The following ANKS1B variants were observed in gnomAD, a reference collection of about 807,000 sequenced individuals.
The protein encoded by ANKS1B is ankyrin repeat and sterile alpha motif domain-containing protein 1B.
In ANKS1B, 36 loss-of-function variants were observed where a neutral mutation model predicts 148.3. The ratio of observed to expected loss-of-function variants is 0.24; its 90% CI spans 0.19 to 0.32. The LOEUF is 0.32. Ranked by LOEUF, ANKS1B falls within the 10% of genes least tolerant of loss-of-function variation. ANKS1B has a pLI of 1.00. For missense variants in ANKS1B, 1,157 were observed against 1,542.6 expected (o/e 0.75, Z 4.19); for synonymous variants, 542 against 560.8 (o/e 0.97, Z 0.47).
At chr12:98,852,893 T>C (rs1341917885) in intron 17 of ANKS1B, among the ~76,000 whole-genome samples, 1 of 152,198 alleles carries the variant, frequency 6.6e-6, no homozygotes, top group Non-Finnish European at 1.5e-5. Flanking sequence ...TTCTGCTTCA[T>C]CGATACTCCA....
At chr12:99,635,389 T>C (rs1036831516) in intron 9 of ANKS1B, among the ~76,000 whole-genome samples, 1 of 152,154 alleles carries the variant, frequency 6.6e-6, no homozygotes, top group African/African-American at 2.4e-5. Context: ...CAACAAAATA[T>C]GGTATATACA....
intron 14 of ANKS1B, among the ~76,000 whole-genome samples, chr12:99,188,349 T>C (rs779095041): frequency 4.0e-5 from 6 of 151,072 alleles, no homozygotes; most frequent in Admixed American, 6.5e-5. Context: ...GCAGACCTAA[T>C]AGACATCTAC....
At chr12:98,794,855 A>T in intron 22 of ANKS1B, 1 of 1,603,940 alleles carries the variant, frequency 6.2e-7, no homozygotes, top group Admixed American at 1.7e-5. Context: ...GATATCAAAG[A>T]AGTCAAGCAA....
At chr12:99,407,592 C>T (rs57692205) in intron 11 of ANKS1B, among the ~76,000 whole-genome samples, 12,231 of 145,250 alleles carry the variant, frequency 0.084, 2,802 homozygotes, top group African/African-American at 0.28. Flanking sequence ...CAAAATCTTA[C>T]ATATTTTGAA....
intron 8 of ANKS1B, among the ~76,000 whole-genome samples, chr12:99,665,508 A>C (rs2098501862): frequency 1.3e-5 from 2 of 149,938 alleles, no homozygotes; most frequent in African/African-American, 4.9e-5. Context: ...TTTTAGACGG[A>C]GTATCACTCT....
intron 4 of ANKS1B, among the ~76,000 whole-genome samples, chr12:99,796,682 A>C (rs1432095909): frequency 6.6e-6 from 1 of 151,996 alleles, no homozygotes; most frequent in East Asian, 1.9e-4. Flanking sequence ...AACATACAAC[A>C]AATAAGATTT....
intron 10 of ANKS1B, among the ~76,000 whole-genome samples, chr12:99,466,052 A>G (rs991812141): frequency 6.6e-6 from 1 of 152,214 alleles, no homozygotes; most frequent in Admixed American, 6.5e-5. Context: ...AGCTCTCCTC[A>G]GCAAATGTAA....
intron 9 of ANKS1B, among the ~76,000 whole-genome samples, chr12:99,522,804 C>T (rs1290819200): frequency 5.3e-5 from 8 of 152,076 alleles, no homozygotes; most frequent in Non-Finnish European, 7.4e-5. Flanking sequence ...GAGTGACAGG[C>T]CTCCACTCTT....
At chr12:99,929,000 A>T (rs1202037322) in intron 1 of ANKS1B, among the ~76,000 whole-genome samples, 1 of 152,226 alleles carries the variant, frequency 6.6e-6, no homozygotes, top group African/African-American at 2.4e-5. Context: ...CCCCAGAATC[A>T]TGCTCACAGA....
chr12:99,825,509 G>A, intron 1 of ANKS1B, 120 bp from the exon 2 acceptor site: 2 of 653,590 alleles, frequency 3.1e-6, no homozygotes, highest in Non-Finnish European at 5.3e-6. Flanking sequence ...TTAGCCATGT[G>A]GAAAATGATT....
chr12:99,474,592 G>A (rs571861588), intron 10 of ANKS1B, among the ~76,000 whole-genome samples: 31 of 151,586 alleles, frequency 2.0e-4, no homozygotes, highest in African/African-American at 7.0e-4. Context: ...GAAAAGAAGT[G>A]AAAAGCAAAG....
intron 10 of ANKS1B, among the ~76,000 whole-genome samples, chr12:99,462,812 T>C (rs921378489): frequency 1.3e-5 from 2 of 152,020 alleles, no homozygotes; most frequent in African/African-American, 4.8e-5. Context: ...CCTGTGGAGG[T>C]CATGAGTTAC....
At chr12:99,416,759 T>G (rs12311204) in intron 11 of ANKS1B, among the ~76,000 whole-genome samples, 26,591 of 152,248 alleles carry the variant, frequency 0.17, 2,967 homozygotes, top group African/African-American at 0.32. Context: ...TTGTTAGATA[T>G]GTGATTTATA....
chr12:99,183,635 C>T (rs559256464), intron 14 of ANKS1B, among the ~76,000 whole-genome samples: 1 of 152,116 alleles, frequency 6.6e-6, no homozygotes, highest in African/African-American at 2.4e-5. Flanking sequence ...AAGAGCAAAA[C>T]TCCATCTCCA....
At chr12:99,299,235 AT>A (rs953028332) in intron 12 of ANKS1B, among the ~76,000 whole-genome samples, 2 of 151,814 alleles carry the variant, frequency 1.3e-5, no homozygotes, top group Non-Finnish European at 2.9e-5. Flanking sequence ...TAAGTTTTCT[AT>A]TTTTTGTAGA....
rs2080670968 is a variant in ANKS1B at position 99,191,346 on chromosome 12, TAC to T, written c.2420-36953_2420-36952del. Among the ~76,000 whole-genome samples the T allele has an allele frequency of 7.2e-5, 11 of 152,320 alleles. No homozygotes were observed. In the South Asian group the frequency reaches 2.3e-3, roughly 32 times the overall value. ...TTGACCCAACAATCCCATTACTGGG[TAC>T]ATACCCAAAGGAGTATAAATCATTC... On this transcript the variant is annotated intron_variant, in intron 14 of 26. Coordinates refer to ENST00000683438, the MANE Select transcript of ANKS1B (RefSeq NM_001352186.2).
At chr12:99,708,643 T>C (rs1389866276) in intron 8 of ANKS1B, among the ~76,000 whole-genome samples, 1 of 152,278 alleles carries the variant, frequency 6.6e-6, no homozygotes, top group Admixed American at 6.5e-5. Context: ...TTTAGTATCT[T>C]CTATCATTGC....
intron 8 of ANKS1B, among the ~76,000 whole-genome samples, chr12:99,687,558 G>T (rs1302890007): frequency 6.6e-6 from 1 of 151,200 alleles, no homozygotes; most frequent in Non-Finnish European, 1.5e-5. Flanking sequence ...AGTTTCTATT[G>T]CTAGATCCTC....
intron 1 of ANKS1B, among the ~76,000 whole-genome samples, chr12:99,888,620 C>T (rs2092943652): frequency 6.6e-6 from 1 of 152,176 alleles, no homozygotes; most frequent in South Asian, 2.1e-4. Context: ...GATCGGCCAA[C>T]TAAAACTACA....
Sources: gnomAD v4.1 joint callset for allele counts (sites outside exome capture counted in the v4.1 genomes callset) on GRCh38, gnomAD v4.1.1 for gene constraint, MANE v1.5 for transcripts, NCBI Gene and HGNC (gene_info 2026-07-23, HGNC 2026-07-21) for gene names.